ATF7: variants seen among roughly 807,000 people sequenced by gnomAD.
ATF7 encodes cyclic AMP-dependent transcription factor ATF-7.
ATF7 carries 10 observed loss-of-function variants against 50.4 expected under a neutral mutation model. That is an observed-to-expected ratio of 0.20 (90% confidence interval 0.12 to 0.34). The LOEUF is 0.34. ATF7 is among the 10% of genes least tolerant of loss of function. ATF7 has a pLI of 1.00. For missense variants in ATF7, 465 were observed against 613.9 expected, an observed-to-expected ratio of 0.76 and a Z score of 2.56; for synonymous variants, 201 against 226.4, an observed-to-expected ratio of 0.89 and a Z score of 1.01.
At chr12:53,562,189 T>C (rs1280114157) in intron 2 of ATF7, among the ~76,000 whole-genome samples, 2 of 152,198 alleles carry the variant, frequency 1.3e-5, no homozygotes, top group African/African-American at 4.8e-5. Context: ...CAATGTAAGC[T>C]CCTCAAGAAC....
chr12:53,538,968 G>C, intron 4 of ATF7, among the ~76,000 whole-genome samples: 1 of 152,158 alleles, frequency 6.6e-6, no homozygotes, highest in Non-Finnish European at 1.5e-5. Context: ...GTGGGAAGGA[G>C]AAGCCTCTAA....
rs1938978278 is a variant in ATF7, at chr12:53,532,671, C to T, written c.661-48G>A. 3 of 1,345,548 alleles carry T rather than the reference C, an allele frequency of 2.2e-6. No homozygotes were observed. The Admixed American group carries it at 6.6e-5, about 29-fold the overall frequency. 83.4% of individuals were successfully genotyped at this position (1,345,548 alleles called of 1,614,324 possible). ...AAAAAAAGAGAAGGGAACATAATAC[C>T]ATCGGTGGGGCAACAGTTTCCCTAA... On this transcript the variant is annotated intron_variant, in intron 7 of 11. Transcript: ENST00000420353.
intron 2 of ATF7, among the ~76,000 whole-genome samples, chr12:53,586,298 TAC>T (rs1489062264): frequency 3.3e-5 from 5 of 152,210 alleles, no homozygotes; most frequent in African/African-American, 1.2e-4. Flanking sequence ...CTAAGGAGAC[TAC>T]AGTCTCCGTT....
intron 2 of ATF7, among the ~76,000 whole-genome samples, chr12:53,598,943 CAAG>C (rs1332274304): frequency 2.6e-5 from 4 of 152,120 alleles, no homozygotes; most frequent in African/African-American, 9.6e-5. Context: ...CAACTAAAAG[CAAG>C]AAGTGAAAAA....
chr12:53,558,970 A>G (rs1029783229), intron 2 of ATF7, among the ~76,000 whole-genome samples: 23 of 152,172 alleles, frequency 1.5e-4, no homozygotes, highest in African/African-American at 5.5e-4. Context: ...AACTTACTAA[A>G]TGAACAGAGC....
At chr12:53,594,237 A>G (rs1366278683) in intron 2 of ATF7, among the ~76,000 whole-genome samples, 5 of 152,242 alleles carry the variant, frequency 3.3e-5, no homozygotes, top group Admixed American at 2.0e-4. Context: ...GCTGAGATGC[A>G]AAGAAAGGAT....
rs567135730 is a variant in ATF7 at position 53,514,118 on chromosome 12, T to C, written c.*3019A>G. On this transcript the variant is annotated 3_prime_UTR_variant, in exon 12 of 12. Coordinates refer to ENST00000420353, the MANE Select transcript of ATF7 (RefSeq NM_006856.3). Reference sequence around the variant, plus strand: ...AGTATTGTGGGAGGCTTTCTTAGACTTTTCAACTCTAAGCAAACTTTCTGT... The same window carrying C: ...AGTATTGTGGGAGGCTTTCTTAGACCTTTCAACTCTAAGCAAACTTTCTGT... The C allele has an allele frequency of 6.6e-6, 1 of 152,116 alleles. No individual in the cohort carries two copies. The highest frequency in any genetic ancestry group is 1.5e-5 in the Non-Finnish European group (1 of 67,992). 9.4% of individuals were successfully genotyped at this position (152,116 alleles called of 1,614,324 possible).
At chr12:53,598,310 G>A (rs555509407) in intron 2 of ATF7, among the ~76,000 whole-genome samples, 6 of 152,182 alleles carry the variant, frequency 3.9e-5, no homozygotes, top group African/African-American at 1.4e-4. Flanking sequence ...ATGCAAAGGG[G>A]GTAAATGGGT....
intron 2 of ATF7, among the ~76,000 whole-genome samples, chr12:53,561,337 A>T (rs1259877021): frequency 6.6e-6 from 1 of 151,950 alleles, no homozygotes; most frequent in Non-Finnish European, 1.5e-5. Flanking sequence ...TTTAAAAAAA[A>T]AAAAAAAAAA....
rs189717620 is a variant in ATF7 at position 53,524,359 on chromosome 12, G to A, written c.1125+205C>T. ...ATGCGTTTAAGGATGACTCTAATAG[G>A]AGATTTGGGGGTAGATGGTGAGTGT... On this transcript the variant is annotated intron_variant, in intron 10 of 11. Coordinates refer to ENST00000420353, the MANE Select transcript of ATF7 (RefSeq NM_006856.3). This position sits in a 1 kb window ranked among gnomAD's most constrained non-coding sequence, Gnocchi z 4.6. Among the ~76,000 whole-genome samples the A allele has an allele frequency of 6.6e-6, 1 of 152,148 alleles. No individual in the cohort carries two copies. Among genetic ancestry groups the A allele is most frequent in the Admixed American group, 6.5e-5 (1 of 15,280 alleles).
chr12:53,521,682 A>G (rs1344184914), intron 11 of ATF7, among the ~76,000 whole-genome samples: 1 of 152,144 alleles, frequency 6.6e-6, no homozygotes. Flanking sequence ...AACATGTCAT[A>G]TATTTTACCT....
At chr12:53,542,437 AAAAG>A (rs1213355616) in intron 4 of ATF7, among the ~76,000 whole-genome samples, 1 of 151,712 alleles carries the variant, frequency 6.6e-6, no homozygotes, top group Admixed American at 6.6e-5. Flanking sequence ...CAAAAAAAAA[AAAAG>A]AGAGAGATAG....
chr12:53,554,226 G>A (rs779766793), intron 2 of ATF7, among the ~76,000 whole-genome samples: 9 of 152,210 alleles, frequency 5.9e-5, no homozygotes, highest in Admixed American at 6.5e-5. Context: ...TGCTGCCCAT[G>A]TTCAAGCAAT....
chr12:53,511,398 G>A (rs1406180397), downstream of ATF7, among the ~76,000 whole-genome samples: 1 of 152,086 alleles, frequency 6.6e-6, no homozygotes, highest in Non-Finnish European at 1.5e-5. Flanking sequence ...ACAGGCGCCC[G>A]CCACCAACAC....
rs766853381 is a variant in ATF7 at position 53,514,545 on chromosome 12, T to C, written c.*2592A>G. The C allele has an allele frequency of 5.3e-5, 8 of 152,138 alleles. No homozygotes were observed. The highest frequency in any genetic ancestry group is 7.4e-5 in the Non-Finnish European group (5 of 68,016). 9.4% of individuals were successfully genotyped at this position (152,138 alleles called of 1,614,324 possible). On this transcript the variant is annotated 3_prime_UTR_variant, in exon 12 of 12. Transcript: ENST00000420353. ...GGCAGCAATTATTCTGCCTCCTTAG[T>C]GAGACTGAGAACCAACTCAAGAACT...
intron 1 of ATF7, among the ~76,000 whole-genome samples, chr12:53,607,660 A>C (rs113948308): frequency 0.039 from 6,006 of 152,254 alleles, 357 homozygotes; most frequent in African/African-American, 0.13. Context: ...GGAAAAAAAA[A>C]CAGAATATAA....
In ATF7 at chr12:53,517,264, A is replaced by G. The variant is rs200035659; in HGVS notation, c.1325T>C (p.Val442Ala). 1.2e-6 allele frequency: 2 copies of G among 1,614,054 alleles called. No homozygotes were observed. The highest frequency in any genetic ancestry group is 2.7e-5 in the African/African-American group (2 of 75,062). The part of the protein sequence containing the change: ...SATAPSNGLS[V>A]RSAAEAVATS... ...GGCCACAGCTTCAGCTGCAGAGCGA[A>G]CACTGAGGCCATTGCTAGGGGCTGT... The change falls in exon 12 of 12, where the codon GTT (valine) becomes GCT (alanine). Residue 442 changes from valine to alanine, a missense_variant. Coordinates refer to ENST00000420353, the MANE Select transcript of ATF7 (RefSeq NM_006856.3).
At position 53,561,610 on chromosome 12, in the gene ATF7, G is replaced by A. The variant is rs534594015; in HGVS notation, c.49-8973C>T. On this transcript the variant is annotated intron_variant, in intron 2 of 11. Transcript: ENST00000420353. Reference sequence around the variant, plus strand: ...AAGCAGGGAAAGGGAGAAGAAGGAAGGGATTAAATACACACATACTTCAAA... The same window carrying A: ...AAGCAGGGAAAGGGAGAAGAAGGAAAGGATTAAATACACACATACTTCAAA... Among the ~76,000 whole-genome samples, 4 of 152,226 alleles carry A rather than the reference G, an allele frequency of 2.6e-5. No homozygotes were observed. The South Asian group carries it at 6.2e-4, about 24-fold the overall frequency.
chr12:53,557,036 G>A (rs1349584971), intron 2 of ATF7, among the ~76,000 whole-genome samples: 1 of 151,908 alleles, frequency 6.6e-6, no homozygotes, highest in Non-Finnish European at 1.5e-5. Flanking sequence ...GGAACTACAG[G>A]TGCACACCAT....
Sources: gnomAD v4.1 joint callset for allele counts (sites outside exome capture counted in the v4.1 genomes callset) on GRCh38, gnomAD v4.1.1 for gene constraint, Gnocchi (gnomAD v3.1) non-coding constraint, MANE v1.5 for transcripts, NCBI Gene and HGNC (gene_info 2026-07-23, HGNC 2026-07-21) for gene names.